ITGA1: variants seen among roughly 807,000 people sequenced by gnomAD.
ITGA1 encodes the protein integrin subunit alpha 1, also known as integrin alpha-1.
Under a neutral mutation model 145.9 loss-of-function variants are expected in ITGA1, and 85 were observed. That is an observed-to-expected ratio of 0.58 (90% CI 0.49 to 0.70). The LOEUF (loss-of-function observed/expected upper bound fraction) is 0.70. Among genes scored for constraint, ITGA1 ranks in the 30% least tolerant of loss-of-function variants. The pLI is 0.00. For synonymous variants in ITGA1, 520 were observed against 495.3 expected (o/e 1.05, Z -0.66); for missense variants, 1,351 against 1,418.7 (o/e 0.95, Z 0.77).
intron 1 of ITGA1, chr5:52,801,232 G>A (rs770413741): frequency 2.6e-4 from 320 of 1,221,006 alleles, no homozygotes; most frequent in Non-Finnish European, 3.6e-4. Context: ...TACTTAGCTG[G>A]GATTTTCATG....
chr5:52,815,829 A>G (rs1377719108), intron 1 of ITGA1, among the ~76,000 whole-genome samples: 2 of 152,238 alleles, frequency 1.3e-5, no homozygotes, highest in Non-Finnish European at 2.9e-5. Context: ...CAATTTGATA[A>G]TGTGAGATTC....
chr5:52,823,679 T>C (rs1216120656), intron 1 of ITGA1, among the ~76,000 whole-genome samples: 4 of 152,200 alleles, frequency 2.6e-5, no homozygotes, highest in Non-Finnish European at 5.9e-5. Flanking sequence ...TTGATCAATG[T>C]TTAGCCTGTG....
intron 7 of ITGA1, among the ~76,000 whole-genome samples, chr5:52,885,482 C>G (rs1750032340): frequency 6.6e-6 from 1 of 152,206 alleles, no homozygotes; most frequent in Admixed American, 6.5e-5. Flanking sequence ...AGATACACCT[C>G]TCACCAGTAT....
intron 6 of ITGA1, among the ~76,000 whole-genome samples, chr5:52,880,875 G>T (rs948911202): frequency 6.6e-6 from 1 of 152,136 alleles, no homozygotes; most frequent in Non-Finnish European, 1.5e-5. Context: ...TTAGTTTATT[G>T]GTTCACATCA....
chr5:52,842,125 T>A (rs1448913094), intron 1 of ITGA1, among the ~76,000 whole-genome samples: 1 of 152,004 alleles, frequency 6.6e-6, no homozygotes, highest in Admixed American at 6.6e-5. Context: ...TAGAGGGGAG[T>A]AAATTTTCAT....
chr5:52,939,996 C>A (rs1262135843), intron 26 of ITGA1, 52 bp downstream of exon 26: 2 of 1,018,482 alleles, frequency 2.0e-6, no homozygotes, highest in Middle Eastern at 2.0e-4. Flanking sequence ...AATAAATATT[C>A]ATTTACCACT....
chr5:52,853,566 C>A (rs1414409654), intron 2 of ITGA1, among the ~76,000 whole-genome samples: 1 of 152,156 alleles, frequency 6.6e-6, no homozygotes, highest in Admixed American at 6.5e-5. Flanking sequence ...TAGCCCATGA[C>A]AAGTACAGTC....
At position 52,954,784 on chromosome 5, in the gene ITGA1, A is replaced by G. The variant is rs1751278818; in HGVS notation, c.*2333A>G. 2.0e-5 allele frequency: 3 copies of G among 152,228 alleles called. No homozygotes were observed. Among genetic ancestry groups the G allele is most frequent in the Admixed American group, 6.5e-5 (1 of 15,288 alleles). The allele number at this position is 152,228 out of a possible 1,614,324, so 9.4% of individuals were successfully genotyped here. ...GTTTCATATAGTTTCATATAGTTTC[A>G]TTTTTATTAATATTTAGGTTTAACT... On this transcript the variant is annotated 3_prime_UTR_variant, in exon 29 of 29. Transcript: ENST00000282588.
At chr5:52,911,196 T>C (rs1750517137) in intron 14 of ITGA1, among the ~76,000 whole-genome samples, 2 of 136,292 alleles carry the variant, frequency 1.5e-5, no homozygotes, top group South Asian at 2.3e-4. Flanking sequence ...AGTGTACATA[T>C]AGTATATATA....
At chr5:52,884,548 C>T (rs144460542) in intron 7 of ITGA1, among the ~76,000 whole-genome samples, 1 of 151,638 alleles carries the variant, frequency 6.6e-6, no homozygotes, top group East Asian at 1.9e-4. Flanking sequence ...CAAGAGGAAC[C>T]TTTATGATGA....
intron 1 of ITGA1, chr5:52,801,432 G>A (rs2111664887): frequency 6.2e-7 from 1 of 1,613,726 alleles, no homozygotes; most frequent in South Asian, 1.1e-5. Flanking sequence ...CCGGACACAA[G>A]TACTCCCTGA....
chr5:52,831,197 A>G (rs1027106746), intron 1 of ITGA1, among the ~76,000 whole-genome samples: 7 of 152,040 alleles, frequency 4.6e-5, no homozygotes, highest in African/African-American at 1.7e-4. Flanking sequence ...CAATAACGAA[A>G]TCTTGGCTCA....
chr5:52,823,749 A>C (rs748812085), intron 1 of ITGA1, among the ~76,000 whole-genome samples: 10 of 152,248 alleles, frequency 6.6e-5, no homozygotes, highest in Non-Finnish European at 8.8e-5. Context: ...GCTAAAATAC[A>C]GACAAAGGAA....
At chr5:52,950,956 G>A (rs1223740002) in intron 28 of ITGA1, among the ~76,000 whole-genome samples, 3 of 152,178 alleles carry the variant, frequency 2.0e-5, no homozygotes, top group Non-Finnish European at 4.4e-5. Flanking sequence ...GAAAAAGCCT[G>A]AGACGTGTAG....
At position 52,957,279 on chromosome 5, in the gene ITGA1, A is replaced by G. The variant is rs895942777; in HGVS notation, c.*4828A>G. 3 of 152,088 alleles carry G rather than the reference A, an allele frequency of 2.0e-5. No individual in the cohort carries two copies. The highest frequency in any genetic ancestry group is 4.4e-5 in the Non-Finnish European group (3 of 68,012). 9.4% of individuals were successfully genotyped at this position (152,088 alleles called of 1,614,324 possible). On this transcript the variant is annotated 3_prime_UTR_variant, in exon 29 of 29. Coordinates refer to ENST00000282588, the MANE Select transcript of ITGA1 (RefSeq NM_181501.2). The stretch of plus-strand genomic sequence containing the variant: ...GGGAATGGATCCTTTTCCCATTATA[A>G]AGGGCCGATGCTTAACCCTTGAACC...
intron 1 of ITGA1, among the ~76,000 whole-genome samples, chr5:52,831,451 G>T (rs762390527): frequency 2.0e-5 from 3 of 151,618 alleles, no homozygotes. Flanking sequence ...CACACAGAGG[G>T]TTACCCAAAC....
chr5:52,811,584 C>T (rs7707371), intron 1 of ITGA1, among the ~76,000 whole-genome samples: 40,156 of 152,026 alleles, frequency 0.26, 5,568 homozygotes, highest in Non-Finnish European at 0.3. Flanking sequence ...AATGCTTTGC[C>T]AAACACTCCC....
intron 1 of ITGA1, among the ~76,000 whole-genome samples, chr5:52,812,876 C>T (rs894783564): frequency 2.2e-5 from 3 of 136,508 alleles, no homozygotes; most frequent in Non-Finnish European, 3.1e-5. Flanking sequence ...GAAGATCTGC[C>T]TCATGCCTGT....
chr5:52,818,699 A>G (rs1161794374), intron 1 of ITGA1, among the ~76,000 whole-genome samples: 1 of 152,176 alleles, frequency 6.6e-6, no homozygotes, highest in Non-Finnish European at 1.5e-5. Flanking sequence ...TTTTTTTGTC[A>G]TAGTAACAGA....
Sources: gnomAD v4.1 joint callset for allele counts (sites outside exome capture counted in the v4.1 genomes callset) on GRCh38, gnomAD v4.1.1 for gene constraint, MANE v1.5 for transcripts, NCBI Gene and HGNC (gene_info 2026-07-23, HGNC 2026-07-21) for gene names.